Variants in LIN9 observed in about 807,000 individuals in gnomAD.
LIN9 encodes the protein lin-9 DREAM MuvB core complex component, also known as protein lin-9 homolog.
LIN9 carries 18 observed loss-of-function variants against 78.0 expected under a neutral mutation model. The observed-to-expected ratio is 0.23, with a 90% CI of 0.16 to 0.34. The LOEUF (loss-of-function observed/expected upper bound fraction) is 0.34, where lower values mean the gene tolerates loss of function less well. Among genes scored for constraint, LIN9 ranks in the 10% least tolerant of loss-of-function variants. The pLI is 1.00. For missense variants in LIN9, 451 were observed against 644.1 expected (o/e 0.70, Z 3.25); for synonymous variants, 192 against 215.2 (o/e 0.89, Z 0.94).
chr1:226,287,883 A>T, intron 4 of LIN9, 86 bp from the exon 5 acceptor site: 1 of 952,186 alleles, frequency 1.1e-6, no homozygotes, highest in Non-Finnish European at 1.6e-6. Flanking sequence ...GCAAAAGGTA[A>T]ATTATGTTTA....
chr1:226,300,044 T>C (rs185905251), intron 2 of LIN9, among the ~76,000 whole-genome samples: 10 of 151,872 alleles, frequency 6.6e-5, no homozygotes, highest in Admixed American at 5.9e-4. Flanking sequence ...GTTCAAACAA[T>C]TCTCCTGCCT....
intron 6 of LIN9, among the ~76,000 whole-genome samples, chr1:226,278,456 A>C (rs1405710283): frequency 2.6e-5 from 4 of 151,572 alleles, no homozygotes; most frequent in Admixed American, 1.3e-4. Flanking sequence ...AAAACAAAAA[A>C]ACCTTAAAAT....
chr1:226,253,185 C>T (rs914209029), intron 10 of LIN9, among the ~76,000 whole-genome samples: 2 of 151,044 alleles, frequency 1.3e-5, no homozygotes, highest in African/African-American at 4.9e-5. Context: ...ATTGCTTGAG[C>T]CCAGGGGTTT....
chr1:226,309,034 G>A (rs922372243), intron 1 of LIN9, 75 bp downstream of exon 1: 17 of 1,278,966 alleles, frequency 1.3e-5, no homozygotes, highest in Non-Finnish European at 1.7e-5. Context: ...GGGCACGGCC[G>A]TCCGTCCCGG....
chr1:226,264,978 T>G (rs745671057), intron 10 of LIN9, among the ~76,000 whole-genome samples: 1 of 152,218 alleles, frequency 6.6e-6, no homozygotes, highest in Non-Finnish European at 1.5e-5. Flanking sequence ...TTATTTAATC[T>G]AATTTTCAAA....
chr1:226,307,995 T>C (rs1454238881), intron 1 of LIN9, among the ~76,000 whole-genome samples: 2 of 152,236 alleles, frequency 1.3e-5, no homozygotes, highest in Admixed American at 1.3e-4. Flanking sequence ...TTTTTAACTT[T>C]ATAACTTACT....
intron 2 of LIN9, among the ~76,000 whole-genome samples, chr1:226,300,425 C>T (rs925005830): frequency 5.9e-5 from 9 of 151,916 alleles, no homozygotes; most frequent in Admixed American, 5.9e-4. Flanking sequence ...GTAGCATGTG[C>T]CTGTGGTCCC....
intron 7 of LIN9, among the ~76,000 whole-genome samples, chr1:226,270,913 TGATA>T (rs1660237320): frequency 6.6e-6 from 1 of 151,984 alleles, no homozygotes; most frequent in Non-Finnish European, 1.5e-5. Context: ...AAAATTTATT[TGATA>T]AATAAAATCT....
chr1:226,302,943 C>T (rs1013009779), intron 1 of LIN9, among the ~76,000 whole-genome samples: 4 of 152,056 alleles, frequency 2.6e-5, no homozygotes, highest in African/African-American at 7.2e-5. Flanking sequence ...GTGAAACAGA[C>T]ACCTATTAGC....
At chr1:226,261,752 T>C (rs1046089281) in intron 10 of LIN9, among the ~76,000 whole-genome samples, 4 of 152,216 alleles carry the variant, frequency 2.6e-5, no homozygotes, top group Non-Finnish European at 5.9e-5. Flanking sequence ...AGTTGTTTTA[T>C]GGATATTGAC....
At chr1:226,271,752 T>C (rs957670159) in intron 7 of LIN9, among the ~76,000 whole-genome samples, 2 of 152,192 alleles carry the variant, frequency 1.3e-5, no homozygotes, top group Admixed American at 6.5e-5. Flanking sequence ...TGCTTTCAAG[T>C]ATTTTGAAGC....
intron 4 of LIN9, 74 bp from the exon 5 acceptor site, chr1:226,287,871 T>G: frequency 5.5e-6 from 6 of 1,092,252 alleles, no homozygotes; most frequent in African/African-American, 1.7e-5. Context: ...CTGAATAAAT[T>G]TGCAAAAGGT....
intron 11 of LIN9, among the ~76,000 whole-genome samples, chr1:226,248,391 T>C (rs1658618722): frequency 6.6e-6 from 1 of 152,222 alleles, no homozygotes; most frequent in African/African-American, 2.4e-5. Context: ...TTAAGCAGAC[T>C]GCTTCATTTT....
chr1:226,232,399 T>C lies in LIN9; in HGVS notation c.*102A>G. 1 of 682,666 alleles carries C rather than the reference T, an allele frequency of 1.5e-6. No homozygotes were observed. The highest frequency in any genetic ancestry group is 2.4e-6 in the Non-Finnish European group (1 of 411,596). The allele number at this position is 682,666 out of a possible 1,614,324, so 42.3% of individuals were successfully genotyped here. ...CCTTATTTGGAGATTTAAATTTCCCTTGTTTTCCAGCAGTTAGGTTATTTG... is the reference window on the plus strand; with the variant it reads ...CCTTATTTGGAGATTTAAATTTCCCCTGTTTTCCAGCAGTTAGGTTATTTG... On this transcript the variant is annotated 3_prime_UTR_variant, in exon 15 of 15. Transcript: ENST00000681046.
At position 226,232,434 on chromosome 1, in the gene LIN9, G is replaced by T; in HGVS notation, c.*67C>A. On this transcript the variant is annotated 3_prime_UTR_variant, in exon 15 of 15. Transcript: ENST00000681046. Reference sequence around the variant, plus strand: ...GCAGTTAGGTTATTTGGTGTTGGAAGCCTATATAAAGGAAAAGAACTTCTC... The same window carrying T: ...GCAGTTAGGTTATTTGGTGTTGGAATCCTATATAAAGGAAAAGAACTTCTC... The T allele has an allele frequency of 3.0e-6, 3 of 1,004,820 alleles. No individual in the cohort carries two copies. The highest frequency in any genetic ancestry group is 4.6e-6 in the Non-Finnish European group (3 of 657,524). The allele number at this position is 1,004,820 out of a possible 1,614,324, so 62.2% of individuals were successfully genotyped here. A position where few individuals can be genotyped will look rare whatever the true frequency, so the allele number is the denominator to read the frequency against.
At chr1:226,309,672 T>G, upstream of LIN9, 1 of 1,283,444 alleles carries the variant, frequency 7.8e-7, no homozygotes, top group Non-Finnish European at 1.0e-6. Context: ...CCCTCACTTT[T>G]CCCGAGACCG....
chr1:226,232,223 A>G lies in LIN9; in HGVS notation c.*278T>C. 2 of 401,598 alleles carry G rather than the reference A, an allele frequency of 5.0e-6. No homozygotes were observed. Among genetic ancestry groups the G allele is most frequent in the African/African-American group, 2.0e-5 (1 of 48,800 alleles). The allele number at this position is 401,598 out of a possible 1,614,324, so 24.9% of individuals were successfully genotyped here. A position where few individuals can be genotyped will look rare whatever the true frequency, so the allele number is the denominator to read the frequency against. The stretch of plus-strand genomic sequence containing the variant: ...GGTCAATGTATTCTTCCACGAAATT[A>G]TATTATGTTCAGATATTTCAGTTTA... On this transcript the variant is annotated 3_prime_UTR_variant, in exon 15 of 15. Coordinates refer to ENST00000681046, the MANE Select transcript of LIN9 (RefSeq NM_001366245.2).
chr1:226,241,599 C>T (rs1008003191), intron 11 of LIN9, among the ~76,000 whole-genome samples: 2 of 152,182 alleles, frequency 1.3e-5, no homozygotes, highest in Non-Finnish European at 2.9e-5. Context: ...TGGCTCACGC[C>T]TGTAATCCCA....
intron 1 of LIN9, among the ~76,000 whole-genome samples, chr1:226,308,430 AG>A (rs1663060843): frequency 6.6e-6 from 1 of 152,162 alleles, no homozygotes; most frequent in African/African-American, 2.4e-5. Context: ...TATAGAATAA[AG>A]TCTGCGGGAC....
Sources: gnomAD v4.1 joint callset for allele counts (sites outside exome capture counted in the v4.1 genomes callset) on GRCh38, gnomAD v4.1.1 for gene constraint, MANE v1.5 for transcripts, NCBI Gene and HGNC (gene_info 2026-07-23, HGNC 2026-07-21) for gene names.